MYO18A: variants seen among roughly 807,000 people sequenced by gnomAD.
MYO18A encodes myosin XVIIIA.
A neutral mutation model predicts 235.8 loss-of-function variants in MYO18A; 78 were observed. The observed-to-expected ratio is 0.33, with a 90% CI of 0.28 to 0.40. The LOEUF is 0.40. Among genes scored for constraint, MYO18A ranks in the 10% least tolerant of loss-of-function variants. The probability of loss-of-function intolerance (pLI) is 1.00; values close to 1 mark genes in which losing one functional copy is unlikely to be tolerated. For missense variants in MYO18A, 2,215 were observed against 2,699.3 expected (o/e 0.82, Z 3.98); for synonymous variants, 977 against 1,077.8 (o/e 0.91, Z 1.83).
rs545694175 is a variant in MYO18A at position 29,166,898 on chromosome 17, G to A, written c.43C>T (p.Arg15Trp). Reference protein sequence around the residue: ...MKKDKDKDGGRKEKKEKKEKK... With the variant: ...MKKDKDKDGGWKEKKEKKEKK... ...TCCTTTTTCTCCTTCTTCTCCTTCC[G>A]CCCGCCATCTTTGTCCTTGTCTTTC... Residue 15 changes from arginine to tryptophan, a missense_variant, in exon 2 of 42, where the codon CGG (arginine) becomes TGG (tryptophan). Physicochemically the swap from Arg to Trp is moderately radical, Grantham distance 101. Coordinates refer to ENST00000527372, the MANE Select transcript of MYO18A (RefSeq NM_078471.4). 6 of 1,549,924 alleles carry A rather than the reference G, an allele frequency of 3.9e-6. No individual in the cohort carries two copies. In the East Asian group the frequency reaches 7.3e-5, roughly 19 times the overall value.
Position 29,120,859 on chromosome 17 carries a change from C to T in MYO18A, c.1586-101G>A. 1 of 1,563,214 alleles carries T rather than the reference C, an allele frequency of 6.4e-7. No homozygotes were observed. Among genetic ancestry groups the T allele is most frequent in the South Asian group, 1.2e-5 (1 of 83,504 alleles). On this transcript the variant is annotated intron_variant, in intron 6 of 41. Coordinates refer to ENST00000527372, the MANE Select transcript of MYO18A (RefSeq NM_078471.4). The surrounding 1 kb of genome is among the most constrained non-coding windows in gnomAD (Gnocchi z 4.2). ...GTATGAAGGCTTGGGGCCATTCAGACCAGAACTGCCCGTGGACAGAGGGGT... is the reference window on the plus strand; with the variant it reads ...GTATGAAGGCTTGGGGCCATTCAGATCAGAACTGCCCGTGGACAGAGGGGT...
chr17:29,142,201 G>GA (rs2067757627), intron 2 of MYO18A, among the ~76,000 whole-genome samples: 1 of 152,196 alleles, frequency 6.6e-6, no homozygotes, highest in South Asian at 2.1e-4. Context: ...CAGAGTGCTG[G>GA]AATTACAGGC....
chr17:29,113,758 G>T (rs2066989363), intron 15 of MYO18A, among the ~76,000 whole-genome samples: 1 of 152,214 alleles, frequency 6.6e-6, no homozygotes, highest in East Asian at 1.9e-4. Context: ...GCCTGACTGG[G>T]ACCCCCATGG....
rs1459929081 is a variant in MYO18A at position 29,140,305 on chromosome 17, A to T, written c.1000-18052T>A. 2 of 1,216,640 alleles carry T rather than the reference A, an allele frequency of 1.6e-6. No homozygotes were observed. Among genetic ancestry groups the T allele is most frequent in the South Asian group, 2.7e-5 (2 of 72,960 alleles). 75.4% of individuals were successfully genotyped at this position (1,216,640 alleles called of 1,614,324 possible). A position where few individuals can be genotyped will look rare whatever the true frequency, so the allele number is the denominator to read the frequency against. On this transcript the variant is annotated intron_variant, in intron 2 of 41. Transcript: ENST00000527372. The surrounding 1 kb of genome is among the most constrained non-coding windows in gnomAD (Gnocchi z 4.2). Reference sequence around the variant, plus strand: ...GAGGAAATAGCATGAGGAGCCTGGGACATTTCCGGGGTGGGGGGTCAGAGG... The same window carrying T: ...GAGGAAATAGCATGAGGAGCCTGGGTCATTTCCGGGGTGGGGGGTCAGAGG...
At chr17:29,174,275 G>A (rs1015883412) in intron 1 of MYO18A, among the ~76,000 whole-genome samples, 1 of 152,184 alleles carries the variant, frequency 6.6e-6, no homozygotes, top group Non-Finnish European at 1.5e-5. Flanking sequence ...GGAGGCCAAG[G>A]CGGGAGGACT....
chr17:29,097,137 GC>G, intron 27 of MYO18A, 85 bp downstream of exon 27: 1 of 1,553,994 alleles, frequency 6.4e-7, no homozygotes, highest in East Asian at 2.3e-5. Context: ...AGGCCTGCCT[GC>G]CCCCAGAGTT....
In MYO18A at chr17:29,111,662, C is replaced by G. The variant is rs140842077; in HGVS notation, c.2740+60G>C. On this transcript the variant is annotated intron_variant, in intron 16 of 41. Transcript: ENST00000527372. The surrounding 1 kb of genome is among the most constrained non-coding windows in gnomAD (Gnocchi z 5.1). Reference sequence around the variant, plus strand: ...CCCCGCCCCCTCCCAGGGAGTGCCACCTGGACCCACCTGTATGTAAGAGGA... The same window carrying G: ...CCCCGCCCCCTCCCAGGGAGTGCCAGCTGGACCCACCTGTATGTAAGAGGA... 74 of 1,611,712 alleles carry G rather than the reference C, an allele frequency of 4.6e-5. No homozygotes were observed. The East Asian group carries it at 1.6e-3, about 35-fold the overall frequency.
chr17:29,120,582 T>TCCCCCCCCCCCCCCCCCCCC lies in MYO18A; in HGVS notation c.1728+33_1728+34insGGGGGGGGGGGGGGGGGGGG. ...AGGTCATGAAATCATGTGGCCTGTGTCCTACTACCCCGAGTCCTGGGCAGC... is the reference window on the plus strand; with the variant it reads ...AGGTCATGAAATCATGTGGCCTGTGTCCCCCCCCCCCCCCCCCCCCCCTACTACCCCGAGTCCTGGGCAGC... On this transcript the variant is annotated intron_variant, in intron 7 of 41. Transcript: ENST00000527372. The surrounding 1 kb of genome is among the most constrained non-coding windows in gnomAD (Gnocchi z 4.2). 1 of 1,600,698 alleles carries TCCCCCCCCCCCCCCCCCCCC rather than the reference T, an allele frequency of 6.2e-7. No individual in the cohort carries two copies. The highest frequency in any genetic ancestry group is 1.7e-4 in the Middle Eastern group (1 of 5,980).
At chr17:29,100,472 A>G (rs2066627082) in intron 21 of MYO18A, among the ~76,000 whole-genome samples, 1 of 152,216 alleles carries the variant, frequency 6.6e-6, no homozygotes, top group Admixed American at 6.5e-5. Context: ...GGGACCTGTC[A>G]TACAGGTTTG....
rs1268175559 is a variant in MYO18A at position 29,140,690 on chromosome 17, C to T, written c.1000-18437G>A. Among the ~76,000 whole-genome samples, 3 of 152,038 alleles carry T rather than the reference C, an allele frequency of 2.0e-5. No individual in the cohort carries two copies. The highest frequency in any genetic ancestry group is 7.3e-5 in the African/African-American group (3 of 41,356). ...GACACACACCCCAGCTCCGGGACAGCTGGGCTGATATGGCTCCTAAAAATA... is the reference window on the plus strand; with the variant it reads ...GACACACACCCCAGCTCCGGGACAGTTGGGCTGATATGGCTCCTAAAAATA... On this transcript the variant is annotated intron_variant, in intron 2 of 41. Transcript: ENST00000527372. This position sits in a 1 kb window ranked among gnomAD's most constrained non-coding sequence, Gnocchi z 4.2.
intron 8 of MYO18A, 78 bp downstream of exon 8, chr17:29,119,257 G>A (rs928420175): frequency 9.3e-7 from 1 of 1,078,876 alleles, no homozygotes; most frequent in African/African-American, 1.6e-5. Flanking sequence ...CTTTAATTCT[G>A]GATGCAATCA....
intron 2 of MYO18A, among the ~76,000 whole-genome samples, chr17:29,137,504 C>A (rs990144165): frequency 6.6e-6 from 1 of 152,120 alleles, no homozygotes; most frequent in Non-Finnish European, 1.5e-5. Context: ...AGTAGCTCTT[C>A]GTGAACAATA....
chr17:29,086,846 C>T lies in MYO18A; in HGVS notation c.5712+90G>A. The T allele has an allele frequency of 2.8e-6, 4 of 1,422,868 alleles. No individual in the cohort carries two copies. In the South Asian group the frequency reaches 4.2e-5, roughly 15 times the overall value. The allele number at this position is 1,422,868 out of a possible 1,614,324, so 88.1% of individuals were successfully genotyped here. A position where few individuals can be genotyped will look rare whatever the true frequency, so the allele number is the denominator to read the frequency against. ...TGACTCATGTGCAGTTTCTTTGCAC[C>T]CTATCCTCAACCAGGCCAGAGTGAG... On this transcript the variant is annotated intron_variant, in intron 38 of 41. Transcript: ENST00000527372.
intron 2 of MYO18A, among the ~76,000 whole-genome samples, chr17:29,145,835 T>C (rs748100928): frequency 1.3e-5 from 2 of 152,230 alleles, no homozygotes; most frequent in Non-Finnish European, 2.9e-5. Context: ...CAAAGATCTG[T>C]TCCAGTTACG....
chr17:29,157,803 A>G (rs2068091565), intron 2 of MYO18A, among the ~76,000 whole-genome samples: 1 of 151,314 alleles, frequency 6.6e-6, no homozygotes, highest in Admixed American at 6.6e-5. Context: ...TTCTTTCGAG[A>G]CAGGGTCTTG....
chr17:29,090,952 A>C, intron 34 of MYO18A, 26 bp from the exon 35 acceptor site: 3 of 1,594,164 alleles, frequency 1.9e-6, no homozygotes, highest in Non-Finnish European at 2.6e-6. Flanking sequence ...GACAGATCAG[A>C]GGGCCTCAGG....
chr17:29,108,508 GGGA>G (rs895417045), intron 19 of MYO18A, among the ~76,000 whole-genome samples: 7 of 152,224 alleles, frequency 4.6e-5, no homozygotes, highest in African/African-American at 1.2e-4. Context: ...ACGGAGGCCT[GGGA>G]GGAGCGACTG....
chr17:29,095,195 TGTAAG>T lies in MYO18A; in HGVS notation c.4386-141_4386-137del, dbSNP rs1282957391. The T allele has an allele frequency of 3.1e-6, 4 of 1,306,120 alleles. No homozygotes were observed. In the African/African-American group the frequency reaches 6.0e-5, roughly 20 times the overall value. The allele number at this position is 1,306,120 out of a possible 1,614,324, so 80.9% of individuals were successfully genotyped here. A position where few individuals can be genotyped will look rare whatever the true frequency, so the allele number is the denominator to read the frequency against. ...CATGCAGCCCTAACGTGGGGCCAGT[TGTAAG>T]GTAGCGGTGACATTTAGAGGTGGCA... On this transcript the variant is annotated intron_variant, in intron 28 of 41. Transcript: ENST00000527372.
chr17:29,088,414 C>G (rs2066313771), intron 37 of MYO18A, among the ~76,000 whole-genome samples: 1 of 152,104 alleles, frequency 6.6e-6, no homozygotes, highest in Non-Finnish European at 1.5e-5. Flanking sequence ...TGTGACCCCG[C>G]CTTGGAAGGG....
Sources: allele counts gnomAD v4.1 joint callset (sites outside exome capture counted in the v4.1 genomes callset), GRCh38; gene constraint gnomAD v4.1.1; non-coding constraint Gnocchi (gnomAD v3.1); transcripts MANE v1.5; gene names NCBI Gene and HGNC (gene_info 2026-07-23, HGNC 2026-07-21).